HEMK2: variants seen among roughly 807,000 people sequenced by gnomAD.
The protein encoded by HEMK2 is methyltransferase HEMK2.
At chr21:28,664,408 G>A in the HEMK2 span, among the ~76,000 whole-genome samples, 4 of 151,944 alleles carry the variant, frequency 2.6e-5, no homozygotes, top group Non-Finnish European at 5.9e-5. Context: ...CACTACATAG[G>A]CCCACACTTT....
the HEMK2 span, among the ~76,000 whole-genome samples, chr21:28,741,383 T>A: frequency 6.6e-6 from 1 of 151,978 alleles, no homozygotes; most frequent in Non-Finnish European, 1.5e-5. Context: ...CAGAAAGAGG[T>A]TTCTTTTTTT....
At chr21:28,802,380 C>T in the HEMK2 span, among the ~76,000 whole-genome samples, 2 of 152,082 alleles carry the variant, frequency 1.3e-5, no homozygotes, top group Non-Finnish European at 2.9e-5. Context: ...AAGGATACAA[C>T]ATAAAAAACT....
At chr21:28,771,692 C>G in the HEMK2 span, among the ~76,000 whole-genome samples, 1 of 152,100 alleles carries the variant, frequency 6.6e-6, no homozygotes, top group Admixed American at 6.5e-5. Context: ...TAATCTTTTA[C>G]TATGACTTTC....
At chr21:28,789,203 G>A in the HEMK2 span, among the ~76,000 whole-genome samples, 1 of 152,148 alleles carries the variant, frequency 6.6e-6, no homozygotes, top group African/African-American at 2.4e-5. Flanking sequence ...AGGTAACATT[G>A]GCAGTATTTT....
chr21:28,724,491 A>G, the HEMK2 span, among the ~76,000 whole-genome samples: 3 of 152,228 alleles, frequency 2.0e-5, no homozygotes, highest in Non-Finnish European at 4.4e-5. Context: ...CTTATTTCCT[A>G]TTAACTCCAT....
chr21:28,878,389 A>G, the HEMK2 span: 1 of 1,595,494 alleles, frequency 6.3e-7, no homozygotes, highest in Non-Finnish European at 8.6e-7. Context: ...TTAGATCACA[A>G]ACTGAATCTT....
chr21:28,778,060 T>C, the HEMK2 span, among the ~76,000 whole-genome samples: 35,209 of 152,136 alleles, frequency 0.23, 6,563 homozygotes, highest in African/African-American at 0.5. Context: ...GTGGACAACA[T>C]GATGTTGTGA....
chr21:28,798,131 C>T, the HEMK2 span, among the ~76,000 whole-genome samples: 1 of 152,190 alleles, frequency 6.6e-6, no homozygotes, highest in Non-Finnish European at 1.5e-5. Flanking sequence ...GTTCATCAAG[C>T]AGCAACCGCT....
chr21:28,831,511 GA>G, the HEMK2 span, among the ~76,000 whole-genome samples: 32 of 89,908 alleles, frequency 3.6e-4, 2 homozygotes, highest in East Asian at 3.1e-3. Context: ...AAGAAAGAAA[GA>G]AAGAAAGAAA....
chr21:28,596,061 G>T, the HEMK2 span, among the ~76,000 whole-genome samples: 2 of 151,314 alleles, frequency 1.3e-5, no homozygotes, highest in South Asian at 4.2e-4. Context: ...TATTTTTTTT[G>T]AGATAGAGTC....
the HEMK2 span, among the ~76,000 whole-genome samples, chr21:28,835,217 C>T: frequency 5.3e-5 from 8 of 152,142 alleles, no homozygotes; most frequent in Non-Finnish European, 1.5e-5. Flanking sequence ...ACCACCAAAG[C>T]AAAGGACCCT....
At chr21:28,744,535 T>C in the HEMK2 span, among the ~76,000 whole-genome samples, 1 of 152,224 alleles carries the variant, frequency 6.6e-6, no homozygotes, top group African/African-American at 2.4e-5. Flanking sequence ...ACTCACTCTA[T>C]GATATCTCAC....
chr21:28,855,294 G>A, the HEMK2 span, among the ~76,000 whole-genome samples: 9 of 152,172 alleles, frequency 5.9e-5, no homozygotes, highest in Non-Finnish European at 1.2e-4. Flanking sequence ...AAGGATTGAA[G>A]TCAACAAGAA....
chr21:28,789,198 A>T, the HEMK2 span, among the ~76,000 whole-genome samples: 1 of 152,228 alleles, frequency 6.6e-6, no homozygotes, highest in Non-Finnish European at 1.5e-5. Flanking sequence ...GTCCCAGGTA[A>T]CATTGGCAGT....
chr21:28,839,976 G>C, the HEMK2 span, among the ~76,000 whole-genome samples: 7 of 152,094 alleles, frequency 4.6e-5, no homozygotes, highest in African/African-American at 1.7e-4. Context: ...ATACTATAAG[G>C]CCATAGTTAC....
At chr21:28,854,362 C>T in the HEMK2 span, among the ~76,000 whole-genome samples, 1 of 152,014 alleles carries the variant, frequency 6.6e-6, no homozygotes, top group Non-Finnish European at 1.5e-5. Flanking sequence ...TATTAAGCAG[C>T]CAAGTCCAGA....
the HEMK2 span, among the ~76,000 whole-genome samples, chr21:28,614,254 A>C: frequency 2.0e-5 from 3 of 152,186 alleles, no homozygotes; most frequent in African/African-American, 7.2e-5. Context: ...TTTTCTGTGA[A>C]CATATATATC....
chr21:28,833,377 T>C, the HEMK2 span, among the ~76,000 whole-genome samples: 1 of 152,208 alleles, frequency 6.6e-6, no homozygotes, highest in African/African-American at 2.4e-5. Context: ...TTTACATTCC[T>C]AGAAGTACTG....
chr21:28,696,083 G>C, the HEMK2 span, among the ~76,000 whole-genome samples: 2 of 152,068 alleles, frequency 1.3e-5, no homozygotes, highest in African/African-American at 4.8e-5. Flanking sequence ...GCAAACAAGA[G>C]AGAATGAGAG....
Sources: allele counts gnomAD v4.1 joint callset (sites outside exome capture counted in the v4.1 genomes callset), GRCh38; gene constraint gnomAD v4.1.1; transcripts MANE v1.5; gene names NCBI Gene and HGNC (gene_info 2026-07-23, HGNC 2026-07-21).